CSMD3: variants seen among roughly 807,000 people sequenced by gnomAD.
CSMD3 encodes CUB and sushi domain-containing protein 3.
In CSMD3, 177 loss-of-function variants were observed where a neutral mutation model predicts 435.2. The observed-to-expected ratio is 0.41, with a 90% CI of 0.36 to 0.46. The LOEUF is 0.46. Ranked by LOEUF, CSMD3 falls within the 20% of genes least tolerant of loss-of-function variation. CSMD3 has a pLI of 0.34. For synonymous variants in CSMD3, 1,656 were observed against 1,520.5 expected (o/e 1.09, Z -2.07); for missense variants, 4,265 against 4,504.6 (o/e 0.95, Z 1.52).
chr8:112,584,000 T>A (rs1031180182), intron 23 of CSMD3, among the ~76,000 whole-genome samples: 10 of 151,772 alleles, frequency 6.6e-5, no homozygotes, highest in African/African-American at 2.2e-4. Flanking sequence ...TTAAAATTAT[T>A]TATCCACCTT....
intron 31 of CSMD3, among the ~76,000 whole-genome samples, chr8:112,482,415 A>C (rs935736125): frequency 9.2e-5 from 14 of 152,228 alleles, no homozygotes; most frequent in Admixed American, 2.0e-4. Flanking sequence ...ACTGTTTTAA[A>C]GTGTACAATT....
At chr8:112,652,075 A>T (rs912847205) in intron 18 of CSMD3, among the ~76,000 whole-genome samples, 1 of 152,148 alleles carries the variant, frequency 6.6e-6, no homozygotes, top group Non-Finnish European at 1.5e-5. Flanking sequence ...TAGCCAAAAC[A>T]TGTTTTTTCA....
intron 10 of CSMD3, among the ~76,000 whole-genome samples, chr8:112,904,612 A>G (rs951912637): frequency 6.6e-6 from 1 of 151,298 alleles, no homozygotes; most frequent in Admixed American, 6.6e-5. Context: ...TTGGATTAGA[A>G]AAGATGTTAT....
chr8:113,418,722 C>T (rs1055019099), intron 1 of CSMD3, among the ~76,000 whole-genome samples: 1 of 152,162 alleles, frequency 6.6e-6, no homozygotes, highest in Non-Finnish European at 1.5e-5. Context: ...GATTATATAT[C>T]GGAAGCAGTT....
At chr8:112,515,590 A>G (rs1383505784) in intron 28 of CSMD3, among the ~76,000 whole-genome samples, 3 of 152,126 alleles carry the variant, frequency 2.0e-5, no homozygotes, top group African/African-American at 7.2e-5. Context: ...GCAGTGGTAC[A>G]TGAAGAACAA....
At chr8:113,382,011 G>C (rs2094417963) in intron 1 of CSMD3, among the ~76,000 whole-genome samples, 1 of 151,942 alleles carries the variant, frequency 6.6e-6, no homozygotes, top group African/African-American at 2.4e-5. Context: ...AACAAAATTT[G>C]TTTAAATATC....
intron 4 of CSMD3, among the ~76,000 whole-genome samples, chr8:113,163,294 A>C (rs962430851): frequency 2.6e-4 from 40 of 152,038 alleles, no homozygotes; most frequent in Non-Finnish European, 1.3e-4. Flanking sequence ...ATTGTCAATG[A>C]CCTCATCTCC....
intron 27 of CSMD3, among the ~76,000 whole-genome samples, chr8:112,536,529 G>T (rs1826101748): frequency 1.3e-5 from 2 of 152,084 alleles, no homozygotes. Context: ...ACAAGTGCTG[G>T]AGAGGATGTG....
chr8:113,184,786 C>T (rs932386807), intron 3 of CSMD3, among the ~76,000 whole-genome samples: 9 of 152,118 alleles, frequency 5.9e-5, no homozygotes, highest in African/African-American at 2.2e-4. Context: ...ATAGCTTCAC[C>T]CTGTCAGACA....
At chr8:112,548,825 G>C (rs1217472522) in intron 27 of CSMD3, among the ~76,000 whole-genome samples, 2 of 151,990 alleles carry the variant, frequency 1.3e-5, no homozygotes, top group East Asian at 3.9e-4. Flanking sequence ...TCAATAGGTT[G>C]ATTTTAAGGC....
At chr8:112,410,436 C>A (rs1345470662) in intron 32 of CSMD3, among the ~76,000 whole-genome samples, 1 of 145,692 alleles carries the variant, frequency 6.9e-6, no homozygotes, top group Non-Finnish European at 1.5e-5. Context: ...GAATTCAGAC[C>A]TTTTTAAAAG....
chr8:112,994,021 G>A (rs984998846), intron 6 of CSMD3, among the ~76,000 whole-genome samples: 15 of 151,774 alleles, frequency 9.9e-5, no homozygotes, highest in African/African-American at 3.6e-4. Context: ...TACATGTAAA[G>A]AATGGGTTGT....
rs149425768 is a variant in CSMD3 at position 112,806,465 on chromosome 8, C to T, written c.1860-6191G>A. ...GCCCTTACCTGCAGTCACTTATATG[C>T]GCGTCCCACATGCTGTGACAGCTAT... On this transcript the variant is annotated intron_variant, in intron 12 of 70. Coordinates refer to ENST00000297405, the MANE Select transcript of CSMD3 (RefSeq NM_198123.2). Among the ~76,000 whole-genome samples the T allele has an allele frequency of 5.6e-4, 86 of 152,244 alleles. 1 individual carries two copies. The East Asian group carries it at 6.4e-3, about 11-fold the overall frequency.
At chr8:113,097,412 G>A (rs2090197831) in intron 5 of CSMD3, among the ~76,000 whole-genome samples, 1 of 151,974 alleles carries the variant, frequency 6.6e-6, no homozygotes, top group Non-Finnish European at 1.5e-5. Context: ...TATTTCACAA[G>A]ACTTCCTTCT....
At chr8:113,146,343 C>A (rs1427767941) in intron 4 of CSMD3, among the ~76,000 whole-genome samples, 1 of 151,230 alleles carries the variant, frequency 6.6e-6, no homozygotes, top group Non-Finnish European at 1.5e-5. Context: ...GAATTGTGCC[C>A]CTGGATTTTG....
chr8:112,798,012 A>T (rs1299265941), intron 13 of CSMD3, among the ~76,000 whole-genome samples: 3 of 151,938 alleles, frequency 2.0e-5, no homozygotes, highest in African/African-American at 7.2e-5. Flanking sequence ...AGAAATACAA[A>T]GACAAGTAAG....
chr8:113,324,131 T>C (rs982134089), intron 1 of CSMD3, among the ~76,000 whole-genome samples: 9 of 152,110 alleles, frequency 5.9e-5, no homozygotes, highest in African/African-American at 1.9e-4. Flanking sequence ...CCATAAAAGT[T>C]CAAAAAATTT....
chr8:112,829,602 C>A (rs528208515), intron 12 of CSMD3, 84 bp downstream of exon 12: 1 of 774,648 alleles, frequency 1.3e-6, no homozygotes. Context: ...GTAGTGGGAG[C>A]GATCAATGTA....
intron 32 of CSMD3, among the ~76,000 whole-genome samples, chr8:112,414,728 G>A (rs918357900): frequency 6.6e-6 from 1 of 152,130 alleles, no homozygotes; most frequent in Admixed American, 6.6e-5. Context: ...TTGTTGAATG[G>A]CTTTGACCAA....
Sources: gnomAD v4.1 joint callset for allele counts (sites outside exome capture counted in the v4.1 genomes callset) on GRCh38, gnomAD v4.1.1 for gene constraint, MANE v1.5 for transcripts, NCBI Gene and HGNC (gene_info 2026-07-23, HGNC 2026-07-21) for gene names.